COX10: variants seen among roughly 807,000 people sequenced by gnomAD.
The protein encoded by COX10 is protoheme IX farnesyltransferase, mitochondrial.
Under a neutral mutation model 37.3 loss-of-function variants are expected in COX10, and 27 were observed. The ratio of observed to expected loss-of-function variants is 0.72; its 90% CI spans 0.53 to 1.00. The LOEUF is 1.00. Ranked by LOEUF, COX10 falls within the 50% of genes least tolerant of loss-of-function variation. COX10 has a pLI of 0.00. For missense variants in COX10, 475 were observed against 563.2 expected (o/e 0.84, Z 1.59); for synonymous variants, 222 against 229.1 (o/e 0.97, Z 0.28).
chr17:14,175,083 C>CG (rs551562401), intron 5 of COX10, among the ~76,000 whole-genome samples: 80 of 16,332 alleles, frequency 4.9e-3, no homozygotes, highest in East Asian at 0.02. Flanking sequence ...TGGGAAATAG[C>CG]GGGGGGGGGG....
At chr17:14,070,198 T>A (rs1262531161) in intron 1 of COX10, among the ~76,000 whole-genome samples, 1 of 152,218 alleles carries the variant, frequency 6.6e-6, no homozygotes, top group East Asian at 1.9e-4. Context: ...AAATGTATAT[T>A]GGAGCTGGAA....
At chr17:14,125,469 G>T (rs563455442) in intron 4 of COX10, among the ~76,000 whole-genome samples, 1 of 152,122 alleles carries the variant, frequency 6.6e-6, no homozygotes, top group African/African-American at 2.4e-5. Context: ...ATACTGAAAA[G>T]CACATTGTAA....
At position 14,205,595 on chromosome 17, in the gene COX10, G is replaced by C. The variant is rs77674500; in HGVS notation, c.929-1215G>C. On this transcript the variant is annotated intron_variant, in intron 6 of 6. Transcript: ENST00000261643. ...TAGGCGCCCGGGGAGCATTTTTTGC[G>C]CGAGTACTCAGTCACCTGCACAGGA... Among the ~76,000 whole-genome samples the C allele has an allele frequency of 2.0e-5, 3 of 151,932 alleles. No homozygotes were observed. The South Asian group carries it at 6.2e-4, about 32-fold the overall frequency.
chr17:14,092,012 G>T (rs1489196371), intron 3 of COX10, among the ~76,000 whole-genome samples: 1 of 152,098 alleles, frequency 6.6e-6, no homozygotes, highest in Non-Finnish European at 1.5e-5. Context: ...AATTAAAAAG[G>T]TTATAAATTT....
At chr17:14,128,994 C>T (rs116702898) in intron 4 of COX10, among the ~76,000 whole-genome samples, 1,859 of 152,268 alleles carry the variant, frequency 0.012, 31 homozygotes, top group African/African-American at 0.043. Context: ...TACAGGCAAG[C>T]GTCACACACT....
intron 4 of COX10, among the ~76,000 whole-genome samples, chr17:14,114,561 G>A (rs1339457601): frequency 6.6e-6 from 1 of 151,992 alleles, no homozygotes; most frequent in African/African-American, 2.4e-5. Context: ...TGCCATTGAT[G>A]TTTTACTACA....
rs564703531 is a variant in COX10, at chr17:14,135,277, A to G, written c.625-24600A>G. ...GATGTTGTTAAGTTGAAATCTTTGA[A>G]TAATTTTGGTAACCAATATTTTAAT... is the stretch of plus-strand genomic sequence containing the variant. On this transcript the variant is annotated intron_variant, in intron 4 of 6. Transcript: ENST00000261643. Among the ~76,000 whole-genome samples, 61 of 151,898 alleles carry G rather than the reference A, an allele frequency of 4.0e-4. 1 individual carries two copies. Among genetic ancestry groups the G allele is most frequent in the Middle Eastern group, 3.4e-3 (1 of 294 alleles).
chr17:14,138,817 T>G (rs1904456396), intron 4 of COX10, among the ~76,000 whole-genome samples: 1 of 152,182 alleles, frequency 6.6e-6, no homozygotes. Flanking sequence ...ACTGCCTGAT[T>G]GTCTCCTCAT....
intron 6 of COX10, among the ~76,000 whole-genome samples, chr17:14,193,447 A>G (rs1300489268): frequency 6.6e-6 from 1 of 150,858 alleles, no homozygotes; most frequent in African/African-American, 2.4e-5. Flanking sequence ...CCTCCTTCAT[A>G]CAGTGGAGGG....
Position 14,069,553 on chromosome 17 carries a change from C to T in COX10, c.-53C>T, listed in dbSNP as rs1039350480. On this transcript the variant is annotated 5_prime_UTR_variant, in exon 1 of 7. Coordinates refer to ENST00000261643, the MANE Select transcript of COX10 (RefSeq NM_001303.4). Reference sequence around the variant, plus strand: ...AGGAAGATGGCGGCGCCCAGCGTCCCGTGAGGAGAGAGGACACAGGGATCC... The same window carrying T: ...AGGAAGATGGCGGCGCCCAGCGTCCTGTGAGGAGAGAGGACACAGGGATCC... 3 of 1,606,092 alleles carry T rather than the reference C, an allele frequency of 1.9e-6. No individual in the cohort carries two copies. In the Admixed American group the frequency reaches 5.0e-5, roughly 27 times the overall value.
Position 14,148,758 on chromosome 17 carries a change from C to T in COX10, c.625-11119C>T, listed in dbSNP as rs1044677882. On this transcript the variant is annotated intron_variant, in intron 4 of 6. Transcript: ENST00000261643. ...AGGACTAGGAAGTACATCAGTTGGG[C>T]TGTGGTATTTCTATCCATTTTTGTT... Among the ~76,000 whole-genome samples, 5 of 152,032 alleles carry T rather than the reference C, an allele frequency of 3.3e-5. 1 individual carries two copies. The highest frequency in any genetic ancestry group is 9.7e-5 in the African/African-American group (4 of 41,396).
At chr17:14,191,845 G>A in intron 5 of COX10, 144 bp from the exon 6 acceptor site, 1 of 801,122 alleles carries the variant, frequency 1.2e-6, no homozygotes, top group Non-Finnish European at 2.1e-6. Flanking sequence ...TCATAAAGAG[G>A]ATTCCCCATA....
At chr17:14,081,357 T>A (rs907340569) in intron 3 of COX10, among the ~76,000 whole-genome samples, 1 of 151,884 alleles carries the variant, frequency 6.6e-6, no homozygotes, top group Non-Finnish European at 1.5e-5. Context: ...GAGAGATAGA[T>A]AGAGAGAAAC....
At chr17:14,081,210 G>A (rs755680192) in intron 3 of COX10, among the ~76,000 whole-genome samples, 8 of 152,324 alleles carry the variant, frequency 5.3e-5, no homozygotes, top group Non-Finnish European at 8.8e-5. Context: ...GAAAAAGTTT[G>A]CTGACCTTCT....
intron 4 of COX10, among the ~76,000 whole-genome samples, chr17:14,122,968 A>G (rs1916261342): frequency 6.6e-6 from 1 of 152,216 alleles, no homozygotes; most frequent in Non-Finnish European, 1.5e-5. Context: ...CCAGGTCAGC[A>G]CTGGAAAGAG....
At chr17:14,138,189 C>CA (rs575544801) in intron 4 of COX10, among the ~76,000 whole-genome samples, 95 of 152,180 alleles carry the variant, frequency 6.2e-4, no homozygotes, top group Non-Finnish European at 1.3e-3. Flanking sequence ...CACAAATAGA[C>CA]ACCATACTGT....
rs1408404740 is a variant in COX10, at chr17:14,101,220, A to G, written c.500-898A>G. Among the ~76,000 whole-genome samples the G allele has an allele frequency of 3.3e-5, 5 of 152,130 alleles. No homozygotes were observed. The East Asian group carries it at 9.7e-4, about 29-fold the overall frequency. Reference sequence around the variant, plus strand: ...AATCTAGGTAGATGGTATCATGCATACTTTGGATTCTTGACATAGGTCTTC... The same window carrying G: ...AATCTAGGTAGATGGTATCATGCATGCTTTGGATTCTTGACATAGGTCTTC... On this transcript the variant is annotated intron_variant, in intron 3 of 6. Coordinates refer to ENST00000261643, the MANE Select transcript of COX10 (RefSeq NM_001303.4).
At chr17:14,204,707 A>T (rs905447367) in intron 6 of COX10, among the ~76,000 whole-genome samples, 3 of 152,006 alleles carry the variant, frequency 2.0e-5, no homozygotes, top group Non-Finnish European at 4.4e-5. Flanking sequence ...CCCTACACAC[A>T]TAGGTGCACA....
At chr17:14,150,680 G>A (rs2142232820) in intron 4 of COX10, among the ~76,000 whole-genome samples, 1 of 152,268 alleles carries the variant, frequency 6.6e-6, no homozygotes, top group Non-Finnish European at 1.5e-5. Context: ...GTTTCAGTTG[G>A]CCCAGTTTGA....
Sources: allele counts gnomAD v4.1 joint callset (sites outside exome capture counted in the v4.1 genomes callset), GRCh38; gene constraint gnomAD v4.1.1; transcripts MANE v1.5; gene names NCBI Gene and HGNC (gene_info 2026-07-23, HGNC 2026-07-21).